The following PAN3 variants were observed in gnomAD, a reference collection of about 807,000 sequenced individuals.
The protein encoded by PAN3 is PAN2-PAN3 deadenylation complex subunit PAN3.
PAN3 carries 19 observed loss-of-function variants against 96.2 expected under a neutral mutation model. The observed-to-expected ratio is 0.20, with a 90% CI of 0.14 to 0.29. PAN3 has a LOEUF of 0.29. Among genes scored for constraint, PAN3 ranks in the 10% least tolerant of loss-of-function variants. PAN3 has a pLI of 1.00. For synonymous variants in PAN3, 433 were observed against 406.6 expected (o/e 1.06, Z -0.78); for missense variants, 882 against 1,108.1 (o/e 0.80, Z 2.90).
At chr13:28,197,058 A>G in intron 4 of PAN3, 127 bp from the exon 5 acceptor site, 1 of 1,170,080 alleles carries the variant, frequency 8.5e-7, no homozygotes, top group Non-Finnish European at 1.2e-6. Context: ...AGGATATTAG[A>G]AGGAGTGTTT....
At chr13:28,189,507 A>AC (rs759158151) in intron 4 of PAN3, among the ~76,000 whole-genome samples, 9 of 149,890 alleles carry the variant, frequency 6.0e-5, no homozygotes, top group Admixed American at 1.3e-4. Context: ...ACAGAGTGAG[A>AC]CCCCGTCTCA....
At chr13:28,216,818 T>TAA (rs34397568) in intron 5 of PAN3, among the ~76,000 whole-genome samples, 18 of 147,716 alleles carry the variant, frequency 1.2e-4, no homozygotes, top group South Asian at 4.3e-4. Flanking sequence ...TCCATCTAAT[T>TAA]AAAAAAAAAA....
chr13:28,276,177 G>A (rs1372934218), intron 14 of PAN3, among the ~76,000 whole-genome samples: 1 of 152,096 alleles, frequency 6.6e-6, no homozygotes, highest in Non-Finnish European at 1.5e-5. Flanking sequence ...AAATTGGGAC[G>A]AGGGGATGGC....
intron 17 of PAN3, 75 bp downstream of exon 17, chr13:28,281,454 G>T (rs1887461063): frequency 7.8e-7 from 1 of 1,283,532 alleles, no homozygotes; most frequent in Non-Finnish European, 1.1e-6. Flanking sequence ...AAGTATGCCT[G>T]GCTTTATTTG....
intron 13 of PAN3, among the ~76,000 whole-genome samples, chr13:28,271,344 T>C (rs1431363499): frequency 2.6e-5 from 4 of 152,234 alleles, no homozygotes; most frequent in Admixed American, 2.6e-4. Flanking sequence ...GGTACAGTTA[T>C]CAGTCTTGTC....
intron 1 of PAN3, among the ~76,000 whole-genome samples, chr13:28,142,840 C>A (rs371893098): frequency 2.0e-5 from 3 of 152,160 alleles, no homozygotes; most frequent in South Asian, 2.1e-4. Context: ...ATAATTCTCT[C>A]CATTTTGACT....
intron 14 of PAN3, chr13:28,272,305 C>G (rs1886687095): frequency 6.4e-6 from 2 of 313,840 alleles, no homozygotes; most frequent in South Asian, 5.8e-5. Flanking sequence ...CTGTCTTGCT[C>G]TGTCACCTGG....
intron 1 of PAN3, among the ~76,000 whole-genome samples, chr13:28,152,477 A>T (rs1031834105): frequency 1.3e-5 from 2 of 151,976 alleles, no homozygotes; most frequent in Admixed American, 6.6e-5. Flanking sequence ...CCAGCTACTC[A>T]GGAGGCTGAG....
chr13:28,138,973 G>C lies in PAN3; in HGVS notation c.316G>C (p.Gly106Arg), dbSNP rs1228723203. The stretch of plus-strand genomic sequence containing the variant: ...CTTTCCGCCGGGAGCCGTCGCGGGC[G>C]GGGGAGCTGGGCCGCCCCCCGGGCC... The part of the protein sequence containing the change: ...AGFPPGAVAG[G>R]GAGPPPGPKK... The change falls in exon 1 of 19, where the codon GGG becomes CGG. Residue 106 changes from glycine to arginine, a missense_variant. Transcript: ENST00000380958. 7 of 1,278,134 alleles carry C rather than the reference G, an allele frequency of 5.5e-6. No individual in the cohort carries two copies. Among genetic ancestry groups the C allele is most frequent in the South Asian group, 2.6e-5 (1 of 38,290 alleles). The allele number at this position is 1,278,134 out of a possible 1,614,324, so 79.2% of individuals were successfully genotyped here.
chr13:28,171,603 G>T (rs1434079238), intron 1 of PAN3, among the ~76,000 whole-genome samples: 1 of 152,174 alleles, frequency 6.6e-6, no homozygotes, highest in Non-Finnish European at 1.5e-5. Context: ...TGCTTGACTG[G>T]TTTATTACAA....
At chr13:28,291,654 A>G (rs952892569) in intron 18 of PAN3, among the ~76,000 whole-genome samples, 2 of 152,020 alleles carry the variant, frequency 1.3e-5, no homozygotes, top group Admixed American at 6.6e-5. Context: ...ACATGGCGAA[A>G]CCCCGTCTCT....
intron 1 of PAN3, among the ~76,000 whole-genome samples, chr13:28,161,892 A>G (rs1160029629): frequency 6.6e-6 from 1 of 152,200 alleles, no homozygotes; most frequent in Non-Finnish European, 1.5e-5. Flanking sequence ...TGTTTTACAG[A>G]CAGCTTCTGT....
intron 1 of PAN3, among the ~76,000 whole-genome samples, chr13:28,155,037 C>T (rs1327441652): frequency 2.7e-5 from 4 of 149,994 alleles, no homozygotes; most frequent in Non-Finnish European, 5.9e-5. Flanking sequence ...ACCGTGGTCT[C>T]GATCTCCTGA....
In PAN3 at chr13:28,270,717, A is replaced by G; in HGVS notation, c.1809A>G (p.Pro603=). ...TKRKWGQHEG[P]LPRQHAGLLP... Reference sequence around the variant, plus strand: ...GCTGTATAGGTCAGCACGAGGGACCATTGCCCAGGCAGCATGCTGGATTAT... The same window carrying G: ...GCTGTATAGGTCAGCACGAGGGACCGTTGCCCAGGCAGCATGCTGGATTAT... Residue 603 remains proline (P), a synonymous_variant, in exon 13 of 19, where the codon CCA becomes CCG. Transcript: ENST00000380958. 4 of 1,613,904 alleles carry G rather than the reference A, an allele frequency of 2.5e-6. No homozygotes were observed. In the South Asian group the frequency reaches 3.3e-5, roughly 13 times the overall value.
chr13:28,233,163 C>A (rs981165767), intron 6 of PAN3, among the ~76,000 whole-genome samples: 4 of 151,470 alleles, frequency 2.6e-5, no homozygotes, highest in African/African-American at 9.7e-5. Context: ...TTTAGTAATT[C>A]TTTAAAAAGT....
intron 5 of PAN3, among the ~76,000 whole-genome samples, chr13:28,200,286 C>T (rs980201329): frequency 6.6e-6 from 1 of 152,212 alleles, no homozygotes; most frequent in African/African-American, 2.4e-5. Flanking sequence ...TAAGCTCTGT[C>T]ATTTTTCCTT....
intron 1 of PAN3, among the ~76,000 whole-genome samples, chr13:28,146,509 C>T (rs1312988583): frequency 6.6e-6 from 1 of 152,030 alleles, no homozygotes; most frequent in Non-Finnish European, 1.5e-5. Context: ...GGTGAGGGCT[C>T]TCTCCTGGCT....
At chr13:28,154,749 G>A (rs1390608977) in intron 1 of PAN3, among the ~76,000 whole-genome samples, 1 of 151,064 alleles carries the variant, frequency 6.6e-6, no homozygotes, top group Non-Finnish European at 1.5e-5. Context: ...ACCCACTTTA[G>A]CCTCCCAAAG....
In PAN3 at chr13:28,293,764, A is replaced by G. The variant is rs1456208918; in HGVS notation, c.*1242A>G. ...AAACTTGGGTATTCATGGAATTTCT[A>G]GTAAATGAAATACCTATACTTTGAT... On this transcript the variant is annotated 3_prime_UTR_variant, in exon 19 of 19. Transcript: ENST00000380958. 1 of 152,626 alleles carries G rather than the reference A, an allele frequency of 6.6e-6. No individual in the cohort carries two copies. Among genetic ancestry groups the G allele is most frequent in the Non-Finnish European group, 1.5e-5 (1 of 68,038 alleles). The allele number at this position is 152,626 out of a possible 1,614,324, so 9.5% of individuals were successfully genotyped here. A position where few individuals can be genotyped will look rare whatever the true frequency, so the allele number is the denominator to read the frequency against.
Sources: gnomAD v4.1 joint callset for allele counts (sites outside exome capture counted in the v4.1 genomes callset) on GRCh38, gnomAD v4.1.1 for gene constraint, MANE v1.5 for transcripts, NCBI Gene and HGNC (gene_info 2026-07-23, HGNC 2026-07-21) for gene names.